Variants in KCNMB2 observed in about 807,000 individuals in gnomAD.
The protein encoded by KCNMB2 is potassium calcium-activated channel subfamily M regulatory beta subunit 2.
KCNMB2 carries 9 observed loss-of-function variants against 24.5 expected under a neutral mutation model. The ratio of observed to expected loss-of-function variants is 0.37; its 90% CI spans 0.22 to 0.64. The LOEUF (loss-of-function observed/expected upper bound fraction) is 0.64. Among genes scored for constraint, KCNMB2 ranks in the 30% least tolerant of loss-of-function variants. The probability of loss-of-function intolerance (pLI) is 0.63; values close to 1 mark genes in which losing one functional copy is unlikely to be tolerated. For missense variants in KCNMB2, 226 were observed against 284.3 expected (o/e 0.79, Z 1.47); for synonymous variants, 109 against 104.4 (o/e 1.04, Z -0.27).
At chr3:178,551,443 G>A (rs1312123745) in intron 1 of KCNMB2, among the ~76,000 whole-genome samples, 1 of 152,164 alleles carries the variant, frequency 6.6e-6, no homozygotes, top group Non-Finnish European at 1.5e-5. Context: ...AATGTAAACT[G>A]CAGGCCACAC....
chr3:178,806,079 T>C (rs373520818), intron 1 of KCNMB2, among the ~76,000 whole-genome samples: 7 of 152,214 alleles, frequency 4.6e-5, no homozygotes, highest in African/African-American at 1.7e-4. Flanking sequence ...CAGTGAGCTA[T>C]GACTGCGCAT....
chr3:178,783,018 A>T (rs936791282), intron 1 of KCNMB2, among the ~76,000 whole-genome samples: 2 of 148,560 alleles, frequency 1.3e-5, no homozygotes, highest in Non-Finnish European at 3.0e-5. Context: ...ATGGCTAGCC[A>T]GTTTTCCCAG....
chr3:178,617,856 A>G (rs1208981417), intron 1 of KCNMB2, among the ~76,000 whole-genome samples: 1 of 142,896 alleles, frequency 7.0e-6, no homozygotes, highest in East Asian at 2.1e-4. Flanking sequence ...ACGCCACTGC[A>G]CTCCAGCCTG....
chr3:178,755,916 A>T (rs1724015487), intron 1 of KCNMB2, among the ~76,000 whole-genome samples: 1 of 152,174 alleles, frequency 6.6e-6, no homozygotes, highest in African/African-American at 2.4e-5. Flanking sequence ...AGAATGAGAA[A>T]CACAACAATG....
intron 1 of KCNMB2, among the ~76,000 whole-genome samples, chr3:178,729,009 A>C (rs1031604278): frequency 6.6e-6 from 1 of 152,186 alleles, no homozygotes; most frequent in African/African-American, 2.4e-5. Flanking sequence ...ACTCTGGCCT[A>C]TCACATAATT....
intron 1 of KCNMB2, among the ~76,000 whole-genome samples, chr3:178,635,529 C>T (rs1560141538): frequency 6.6e-6 from 1 of 152,004 alleles, no homozygotes; most frequent in Admixed American, 6.6e-5. Flanking sequence ...AGTGGAATAG[C>T]TCTGAAATTC....
rs114399988 is a variant in KCNMB2 at position 178,541,972 on chromosome 3, A to G, written c.-68+5261A>G. Among the ~76,000 whole-genome samples, 986 of 152,190 alleles carry G rather than the reference A, an allele frequency of 6.5e-3. 17 individuals are homozygous for G. Among genetic ancestry groups the G allele is most frequent in the African/African-American group, 0.022 (928 of 41,544 alleles). On this transcript the variant is annotated intron_variant, in intron 1 of 4. Transcript: ENST00000452583. ...CTCCAGCCAAAGCACCCACCCTGTC[A>G]TTCTCTTTAAATTAGCCAATTGGAA... is the stretch of plus-strand genomic sequence containing the variant.
chr3:178,705,264 T>C (rs1157007703), intron 1 of KCNMB2, among the ~76,000 whole-genome samples: 2 of 152,060 alleles, frequency 1.3e-5, no homozygotes, highest in African/African-American at 4.8e-5. Flanking sequence ...GAGGGGTGAT[T>C]CCCTGGACAA....
chr3:178,695,474 A>G (rs1471178812), intron 1 of KCNMB2, among the ~76,000 whole-genome samples: 1 of 151,810 alleles, frequency 6.6e-6, no homozygotes, highest in Non-Finnish European at 1.5e-5. Flanking sequence ...CAGGCTGCAA[A>G]TTTTCCAAAC....
intron 1 of KCNMB2, among the ~76,000 whole-genome samples, chr3:178,608,695 C>A (rs893473450): frequency 3.9e-5 from 6 of 152,170 alleles, no homozygotes; most frequent in African/African-American, 1.4e-4. Flanking sequence ...CTCCTGGGAA[C>A]CACTCTTCTA....
chr3:178,608,368 A>G (rs185094783), intron 1 of KCNMB2, among the ~76,000 whole-genome samples: 67 of 149,600 alleles, frequency 4.5e-4, no homozygotes, highest in African/African-American at 1.5e-3. Flanking sequence ...CATAGGGTTG[A>G]TTGTATTTTT....
chr3:178,614,284 T>TTATAC (rs1320305853), intron 1 of KCNMB2, among the ~76,000 whole-genome samples: 1 of 114,324 alleles, frequency 8.7e-6, no homozygotes, highest in East Asian at 2.7e-4. Flanking sequence ...TATATATATA[T>TTATAC]ATATATATAT....
chr3:178,725,251 C>T (rs1722930681), intron 1 of KCNMB2, among the ~76,000 whole-genome samples: 1 of 151,948 alleles, frequency 6.6e-6, no homozygotes, highest in South Asian at 2.1e-4. Context: ...CATGTAGTCT[C>T]AGGTATTTGT....
chr3:178,724,063 T>G (rs1245473339), intron 1 of KCNMB2, among the ~76,000 whole-genome samples: 1 of 152,212 alleles, frequency 6.6e-6, no homozygotes, highest in Non-Finnish European at 1.5e-5. Context: ...ATCTCCAAAC[T>G]GCTTTCCCCA....
At chr3:178,783,694 T>A (rs958238077) in intron 1 of KCNMB2, among the ~76,000 whole-genome samples, 6 of 151,986 alleles carry the variant, frequency 3.9e-5, no homozygotes, top group Non-Finnish European at 7.3e-5. Context: ...GATTTGGGGC[T>A]GAGACAATGG....
intron 1 of KCNMB2, among the ~76,000 whole-genome samples, chr3:178,546,573 AAATT>A (rs1447627090): frequency 6.6e-6 from 1 of 152,180 alleles, no homozygotes; most frequent in Non-Finnish European, 1.5e-5. Flanking sequence ...ACTACCCTTT[AAATT>A]ATAGCCTGTT....
At chr3:178,762,015 CA>C (rs1222317870) in intron 1 of KCNMB2, among the ~76,000 whole-genome samples, 9 of 152,098 alleles carry the variant, frequency 5.9e-5, no homozygotes, top group Admixed American at 4.6e-4. Flanking sequence ...ACTAAAAATA[CA>C]AAAAATTAAC....
At chr3:178,686,899 T>C (rs2108325288) in intron 1 of KCNMB2, among the ~76,000 whole-genome samples, 1 of 151,260 alleles carries the variant, frequency 6.6e-6, no homozygotes, top group South Asian at 2.1e-4. Flanking sequence ...CAACCAACTG[T>C]AGATTATGAA....
At chr3:178,613,158 G>T (rs1449385953) in intron 1 of KCNMB2, among the ~76,000 whole-genome samples, 1 of 152,148 alleles carries the variant, frequency 6.6e-6, no homozygotes, top group Non-Finnish European at 1.5e-5. Context: ...GGCACTTTGG[G>T]TGGCCAAGGT....
Sources: allele counts gnomAD v4.1 joint callset (sites outside exome capture counted in the v4.1 genomes callset), GRCh38; gene constraint gnomAD v4.1.1; transcripts MANE v1.5; gene names NCBI Gene and HGNC (gene_info 2026-07-23, HGNC 2026-07-21).